The following SHCBP1 variants were observed in gnomAD, a reference collection of about 807,000 sequenced individuals.
SHCBP1 encodes SHC SH2 domain-binding protein 1.
SHCBP1 carries 60 observed loss-of-function variants against 75.1 expected under a neutral mutation model. That is an observed-to-expected ratio of 0.80 (90% CI 0.65 to 0.99). SHCBP1 has a LOEUF of 0.99. SHCBP1 is among the 50% of genes least tolerant of loss of function. The pLI is 0.00. For missense variants in SHCBP1, 709 were observed against 809.4 expected (o/e 0.88, Z 1.50); for synonymous variants, 290 against 293.2 (o/e 0.99, Z 0.11).
intron 4 of SHCBP1, among the ~76,000 whole-genome samples, chr16:46,615,368 C>T (rs558430592): frequency 2.6e-5 from 4 of 152,146 alleles, no homozygotes; most frequent in East Asian, 1.9e-4. Flanking sequence ...CACCCCTAAC[C>T]CCCACATCAT....
chr16:46,586,923 C>T (rs1230228340), intron 10 of SHCBP1, among the ~76,000 whole-genome samples: 1 of 151,764 alleles, frequency 6.6e-6, no homozygotes, highest in East Asian at 1.9e-4. Flanking sequence ...TTGTCACCAG[C>T]AGACGTATCT....
chr16:46,598,272 T>C (rs1965174631), intron 9 of SHCBP1, among the ~76,000 whole-genome samples: 1 of 152,180 alleles, frequency 6.6e-6, no homozygotes, highest in African/African-American at 2.4e-5. Context: ...TCACTATCAA[T>C]AGCTGGTATA....
chr16:46,584,417 C>A (rs2142997343), intron 10 of SHCBP1, among the ~76,000 whole-genome samples: 1 of 151,824 alleles, frequency 6.6e-6, no homozygotes, highest in South Asian at 2.1e-4. Flanking sequence ...AAAAAAAAGT[C>A]ATTTAACAAT....
In SHCBP1 at chr16:46,601,005, C is replaced by T. The variant is rs142476109; in HGVS notation, c.1214-1043G>A. Among the ~76,000 whole-genome samples, 523 of 139,946 alleles carry T rather than the reference C, an allele frequency of 3.7e-3. 4 individuals carry two copies. The highest frequency in any genetic ancestry group is 0.014 in the African/African-American group (507 of 37,316). The allele number at this position is 139,946 out of a possible 152,430, so 91.8% of individuals were successfully genotyped here. On this transcript the variant is annotated intron_variant, in intron 8 of 12. Coordinates refer to ENST00000303383, the MANE Select transcript of SHCBP1 (RefSeq NM_024745.5). Reference sequence around the variant, plus strand: ...AGCCTGGGTGACAGTGACTCTGTCTCAAAAAAAAAGCATCAGATCTCAGTG... The same window carrying T: ...AGCCTGGGTGACAGTGACTCTGTCTTAAAAAAAAAGCATCAGATCTCAGTG...
chr16:46,617,888 G>A (rs1234002259), intron 2 of SHCBP1, 139 bp from the exon 3 acceptor site: 6 of 747,340 alleles, frequency 8.0e-6, no homozygotes, highest in East Asian at 5.4e-5. Flanking sequence ...GATAAAAGAT[G>A]CAAAAAACCA....
rs1277327601 is a variant in SHCBP1 at position 46,581,934 on chromosome 16, G to A, written c.1814C>T (p.Ser605Phe). ...KMELCARTDP[S>F]EQVEGNCEIV... ...TTCACAATTTCCCTCGACTTGCTCA[G>A]AAGGGTCAGTTCTTGCACAAAGCTC... Residue 605 changes from serine to phenylalanine, a missense_variant, in exon 13 of 13, where the codon TCT (serine) becomes TTT (phenylalanine). Transcript: ENST00000303383. 6.2e-7 allele frequency: 1 copy of A among 1,614,062 alleles called. No homozygotes were observed. The highest frequency in any genetic ancestry group is 2.2e-5 in the East Asian group (1 of 44,892).
chr16:46,596,698 A>G (rs546516956), intron 9 of SHCBP1, among the ~76,000 whole-genome samples: 4 of 149,648 alleles, frequency 2.7e-5, no homozygotes, highest in Non-Finnish European at 5.9e-5. Context: ...GATTACAGGC[A>G]TAAGCCACTG....
chr16:46,604,828 G>T lies in SHCBP1; in HGVS notation c.690-367C>A, dbSNP rs191787024. On this transcript the variant is annotated intron_variant, in intron 5 of 12. Coordinates refer to ENST00000303383, the MANE Select transcript of SHCBP1 (RefSeq NM_024745.5). ...AAAAGCTTAATAAGAAGGTGGCAGG[G>T]GGCAATTTGGGAGTAGGGGTAGGGA... Among the ~76,000 whole-genome samples the T allele has an allele frequency of 1.5e-4, 23 of 152,156 alleles. No homozygotes were observed. In the East Asian group the frequency reaches 3.7e-3, roughly 24 times the overall value.
At chr16:46,588,504 CACAG>C (rs1964988898) in intron 10 of SHCBP1, among the ~76,000 whole-genome samples, 2 of 152,118 alleles carry the variant, frequency 1.3e-5, no homozygotes, top group Admixed American at 6.5e-5. Context: ...CCACCAATCC[CACAG>C]AAATACAAAC....
chr16:46,602,672 C>G (rs962081144), intron 8 of SHCBP1, among the ~76,000 whole-genome samples: 1 of 152,114 alleles, frequency 6.6e-6, no homozygotes, highest in South Asian at 2.1e-4. Context: ...GCTCTGTCAC[C>G]CAGGCTGAAG....
At chr16:46,599,788 C>G (rs773794616) in intron 9 of SHCBP1, 43 bp downstream of exon 9, 1 of 1,506,634 alleles carries the variant, frequency 6.6e-7, no homozygotes, top group East Asian at 2.5e-5. Flanking sequence ...CGTTTACCTT[C>G]AAATCTTAGA....
chr16:46,580,523 A>C lies in SHCBP1; in HGVS notation c.*1206T>G, dbSNP rs1192201576. The C allele has an allele frequency of 6.6e-6, 1 of 152,224 alleles. No individual in the cohort carries two copies. The highest frequency in any genetic ancestry group is 2.4e-5 in the African/African-American group (1 of 41,462). 9.4% of individuals were successfully genotyped at this position (152,224 alleles called of 1,614,324 possible). A position where few individuals can be genotyped will look rare whatever the true frequency, so the allele number is the denominator to read the frequency against. On this transcript the variant is annotated 3_prime_UTR_variant, in exon 13 of 13. Transcript: ENST00000303383. ...ATGCTACACTGACACTATGGCCCAC[A>C]GTGAGTTTGAAAAGATATAACAAGA...
At chr16:46,587,637 C>A (rs1964973025) in intron 10 of SHCBP1, among the ~76,000 whole-genome samples, 1 of 152,048 alleles carries the variant, frequency 6.6e-6, no homozygotes, top group South Asian at 2.1e-4. Flanking sequence ...TATATGCACC[C>A]AATACAGGAG....
At position 46,580,076 on chromosome 16, in the gene SHCBP1, G is replaced by T. The variant is rs538003884; in HGVS notation, c.*1653C>A. Among the ~76,000 whole-genome samples, 1 of 149,772 alleles carries T rather than the reference G, an allele frequency of 6.7e-6. No individual in the cohort carries two copies. The highest frequency in any genetic ancestry group is 2.1e-4 in the South Asian group (1 of 4,708). ...GGAGGTGGAGGTTACAGTAAGCCGAGATAGTGCCACTGCACTCCAGCCTGG... is the reference window on the plus strand; with the variant it reads ...GGAGGTGGAGGTTACAGTAAGCCGATATAGTGCCACTGCACTCCAGCCTGG... On this transcript the variant is annotated 3_prime_UTR_variant, in exon 13 of 13. Transcript: ENST00000303383.
intron 10 of SHCBP1, among the ~76,000 whole-genome samples, chr16:46,594,871 C>T (rs1483116061): frequency 6.6e-6 from 1 of 152,158 alleles, no homozygotes; most frequent in African/African-American, 2.4e-5. Flanking sequence ...ACAAAACAAA[C>T]CGTGGAACAA....
chr16:46,618,070 G>C, intron 2 of SHCBP1, 135 bp downstream of exon 2: 1 of 856,274 alleles, frequency 1.2e-6, no homozygotes, highest in East Asian at 2.7e-5. Flanking sequence ...CAGCTACTAG[G>C]GAGGCTGAGG....
intron 10 of SHCBP1, among the ~76,000 whole-genome samples, chr16:46,591,693 C>T (rs1362868763): frequency 3.9e-5 from 6 of 151,932 alleles, no homozygotes; most frequent in African/African-American, 7.2e-5. Context: ...CCAATGACAG[C>T]GGAATACACA....
chr16:46,590,547 C>G (rs1965028126), intron 10 of SHCBP1, among the ~76,000 whole-genome samples: 2 of 152,118 alleles, frequency 1.3e-5, no homozygotes, highest in Admixed American at 6.5e-5. Flanking sequence ...ATTTATGCAG[C>G]CAACAGACAC....
chr16:46,616,326 A>G lies in SHCBP1; in HGVS notation c.388-172T>C, dbSNP rs1965500224. On this transcript the variant is annotated intron_variant, in intron 3 of 12. Transcript: ENST00000303383. This position sits in a 1 kb window ranked among gnomAD's most constrained non-coding sequence, Gnocchi z 4.4. ...TGCCTCTTACCCTCATGGAGCTTAC[A>G]CTGTAATCAGGGAGATCAACAAACA... Among the ~76,000 whole-genome samples, 1 of 152,208 alleles carries G rather than the reference A, an allele frequency of 6.6e-6. No homozygotes were observed. Among genetic ancestry groups the G allele is most frequent in the Non-Finnish European group, 1.5e-5 (1 of 68,038 alleles).
Sources: gnomAD v4.1 joint callset for allele counts (sites outside exome capture counted in the v4.1 genomes callset) on GRCh38, gnomAD v4.1.1 for gene constraint, Gnocchi (gnomAD v3.1) non-coding constraint, MANE v1.5 for transcripts, NCBI Gene and HGNC (gene_info 2026-07-23, HGNC 2026-07-21) for gene names.